TFB1M: variants seen among roughly 807,000 people sequenced by gnomAD.
TFB1M encodes the protein transcription factor B1, mitochondrial.
In TFB1M, 27 loss-of-function variants were observed where a neutral mutation model predicts 31.1. That is an observed-to-expected ratio of 0.87 (90% CI 0.64 to 1.20). The LOEUF is 1.20. TFB1M is among the 50% of genes most tolerant of loss of function. The pLI, the probability that TFB1M is intolerant of heterozygous loss-of-function variation, is 0.00. For missense variants in TFB1M, 394 were observed against 418.7 expected (o/e 0.94, Z 0.51); for synonymous variants, 166 against 151.8 (o/e 1.09, Z -0.69).
intron 4 of TFB1M, among the ~76,000 whole-genome samples, chr6:155,286,100 G>T (rs924919510): frequency 2.0e-5 from 3 of 152,034 alleles, no homozygotes; most frequent in African/African-American, 7.3e-5. Context: ...AAGCACATTA[G>T]ATATTTAACA....
chr6:155,273,944 C>T (rs1785054965), intron 5 of TFB1M, among the ~76,000 whole-genome samples: 1 of 152,138 alleles, frequency 6.6e-6, no homozygotes, highest in African/African-American at 2.4e-5. Context: ...TCAATTGTCA[C>T]AATACATAAG....
chr6:155,278,048 C>T (rs1426978266), intron 5 of TFB1M, among the ~76,000 whole-genome samples: 1 of 152,108 alleles, frequency 6.6e-6, no homozygotes, highest in Non-Finnish European at 1.5e-5. Flanking sequence ...CTCAGAAAAC[C>T]AGCCATTTTA....
chr6:155,260,189 T>C, intron 6 of TFB1M, 84 bp downstream of exon 6: 2 of 1,445,658 alleles, frequency 1.4e-6, no homozygotes, highest in Non-Finnish European at 1.9e-6. Context: ...GCTTTAAGAA[T>C]AGAGCAAACA....
the TFB1M span, among the ~76,000 whole-genome samples, chr6:155,233,063 T>G: frequency 6.6e-6 from 1 of 152,198 alleles, no homozygotes; most frequent in Non-Finnish European, 1.5e-5. Context: ...AGCTGCACCC[T>G]GAGCCAGGAA....
At chr6:155,253,442 T>C (rs1408933795), downstream of TFB1M, 1 of 183,490 alleles carries the variant, frequency 5.4e-6, no homozygotes, top group Non-Finnish European at 1.1e-5. Flanking sequence ...AAGAAAAAAA[T>C]CTTTGACTCT....
At chr6:155,267,566 A>G (rs1784715933) in intron 5 of TFB1M, among the ~76,000 whole-genome samples, 1 of 152,202 alleles carries the variant, frequency 6.6e-6, no homozygotes, top group Admixed American at 6.5e-5. Flanking sequence ...TGACGACAGC[A>G]GGTAAAACCA....
At chr6:155,258,849 T>C (rs1192859767) in intron 6 of TFB1M, among the ~76,000 whole-genome samples, 1 of 152,140 alleles carries the variant, frequency 6.6e-6, no homozygotes, top group Non-Finnish European at 1.5e-5. Context: ...TCCCCCACAC[T>C]TTCAGGGTGA....
intron 5 of TFB1M, among the ~76,000 whole-genome samples, chr6:155,284,636 T>A (rs1776539306): frequency 6.6e-6 from 1 of 152,236 alleles, no homozygotes. Context: ...ACTCTGTTTC[T>A]GTAACTAGCA....
At chr6:155,246,623 A>AC in the TFB1M span, among the ~76,000 whole-genome samples, 12 of 152,316 alleles carry the variant, frequency 7.9e-5, no homozygotes, top group African/African-American at 2.9e-4. Context: ...GGCATGAGCC[A>AC]CCACGCCTGG....
intron 5 of TFB1M, among the ~76,000 whole-genome samples, chr6:155,271,113 GTGTT>G (rs755954226): frequency 3.9e-5 from 6 of 152,158 alleles, no homozygotes; most frequent in South Asian, 2.1e-4. Context: ...ACCGAAACAT[GTGTT>G]TGTTTATTTA....
intron 5 of TFB1M, among the ~76,000 whole-genome samples, chr6:155,267,985 C>T (rs1368930827): frequency 1.3e-5 from 2 of 152,150 alleles, no homozygotes; most frequent in African/African-American, 2.4e-5. Context: ...AGCCCAAAGC[C>T]CCTTCTACAA....
intron 5 of TFB1M, among the ~76,000 whole-genome samples, chr6:155,273,165 ATT>A (rs1373716046): frequency 6.6e-6 from 1 of 152,066 alleles, no homozygotes; most frequent in Non-Finnish European, 1.5e-5. Context: ...CATGTGCTTG[ATT>A]TTTTTTCTAG....
chr6:155,254,755 C>A (rs955737477), downstream of TFB1M: 2 of 666,266 alleles, frequency 3.0e-6, no homozygotes, highest in South Asian at 2.2e-5. Context: ...AATACAGCCA[C>A]CCCCAACCCC....
chr6:155,296,426 A>ATTTTTTTTTTTTTTT (rs71023639), intron 4 of TFB1M, among the ~76,000 whole-genome samples: 4 of 103,456 alleles, frequency 3.9e-5, no homozygotes, highest in African/African-American at 1.2e-4. Flanking sequence ...CACCCAGCTA[A>ATTTTTTTTTTTTTTT]TTTTTTTTTT....
intron 4 of TFB1M, among the ~76,000 whole-genome samples, chr6:155,286,582 T>C (rs1776658546): frequency 6.8e-6 from 1 of 147,474 alleles, no homozygotes; most frequent in Non-Finnish European, 1.5e-5. Flanking sequence ...TACATGTGTA[T>C]ATGTATATGT....
chr6:155,291,067 G>C (rs1044865556), intron 4 of TFB1M, among the ~76,000 whole-genome samples: 1 of 152,192 alleles, frequency 6.6e-6, no homozygotes, highest in Non-Finnish European at 1.5e-5. Context: ...GATTCAATCT[G>C]AGGAGGGGGA....
chr6:155,243,846 C>CA, the TFB1M span, among the ~76,000 whole-genome samples: 360 of 55,050 alleles, frequency 6.5e-3, 16 homozygotes, highest in African/African-American at 9.2e-3. Context: ...GACTCCGTCT[C>CA]AAAAAAAAAA....
At chr6:155,311,851 A>G (rs904740211) in intron 1 of TFB1M, among the ~76,000 whole-genome samples, 15 of 152,344 alleles carry the variant, frequency 9.8e-5, no homozygotes, top group South Asian at 4.1e-4. Flanking sequence ...GGCAATGGCA[A>G]TAAGTTCTTA....
rs893291163 is a variant in TFB1M at position 155,256,654 on chromosome 6, G to A, written c.*1182C>T. On this transcript the variant is annotated 3_prime_UTR_variant, in exon 7 of 7. Transcript: ENST00000367166. ...GCAGGACTCCAAGAGCACTTCTCCC[G>A]GGAAATACCCACACCCCGGCTTGGC... 23 of 1,613,988 alleles carry A rather than the reference G, an allele frequency of 1.4e-5. No homozygotes were observed. The Admixed American group carries it at 1.7e-4, about 12-fold the overall frequency.
Sources: gnomAD v4.1 joint callset for allele counts (sites outside exome capture counted in the v4.1 genomes callset) on GRCh38, gnomAD v4.1.1 for gene constraint, MANE v1.5 for transcripts, NCBI Gene and HGNC (gene_info 2026-07-23, HGNC 2026-07-21) for gene names.